Variants in CFAP69 observed in about 807,000 individuals in gnomAD.
CFAP69 encodes the protein cilia- and flagella-associated protein 69.
In CFAP69, 92 loss-of-function variants were observed where a neutral mutation model predicts 123.0. That is an observed-to-expected ratio of 0.75 (90% confidence interval 0.63 to 0.89). The LOEUF is 0.89. CFAP69 is among the 40% of genes least tolerant of loss of function. CFAP69 has a pLI of 0.00. For missense variants in CFAP69, 1,067 were observed against 1,096.9 expected, an observed-to-expected ratio of 0.97 and a Z score of 0.39; for synonymous variants, 380 against 364.3, an observed-to-expected ratio of 1.04 and a Z score of -0.49.
chr7:90,306,956 C>T lies in CFAP69; in HGVS notation c.2321C>T (p.Pro774Leu). 6.3e-7 allele frequency: 1 copy of T among 1,575,494 alleles called. No individual in the cohort carries two copies. Among genetic ancestry groups the T allele is most frequent in the South Asian group, 1.1e-5 (1 of 88,208 alleles). ...GAAATAAAATTAGAAAAATTAAGAC[C>T]AGTCACTACAGATAAAAAAGCTTTG... ...YEEIKLEKLR[P>L]VTTDKKALEA... The change falls in exon 20 of 23, where the codon CCA (proline) becomes CTA (leucine). Residue 774 changes from proline to leucine, a missense_variant. By Grantham distance (98) the Pro-to-Leu change is moderately conservative (BLOSUM62 -3). Coordinates refer to ENST00000389297, the MANE Select transcript of CFAP69 (RefSeq NM_001039706.3).
At position 90,310,201 on chromosome 7, in the gene CFAP69, A is replaced by C. The variant is rs1295334588; in HGVS notation, c.2789A>C (p.Lys930Thr). 1 of 1,613,776 alleles carries C rather than the reference A, an allele frequency of 6.2e-7. No homozygotes were observed. The highest frequency in any genetic ancestry group is 2.2e-5 in the East Asian group (1 of 44,876). ...GGALQRVKAVKIVDAPKKSIP... is the reference protein window; with the variant it reads ...GGALQRVKAVTIVDAPKKSIP... ...GCCTTGCAGAGGGTGAAAGCAGTTA[A>C]AATTGTGGATGCACCAAAAAAGAGT... Residue 930 changes from lysine (K) to threonine (T), a missense_variant, in exon 23 of 23, where the codon AAA becomes ACA. Lys to Thr is a moderately conservative substitution (Grantham distance 78). Transcript: ENST00000389297.
intron 8 of CFAP69, chr7:90,272,344 A>G (rs1800075210): frequency 6.2e-6 from 1 of 160,334 alleles, no homozygotes; most frequent in Non-Finnish European, 1.4e-5. Context: ...CACTTATTCA[A>G]CAAATAATTG....
At chr7:90,278,260 A>G (rs1788897505) in intron 11 of CFAP69, among the ~76,000 whole-genome samples, 1 of 152,164 alleles carries the variant, frequency 6.6e-6, no homozygotes, top group Non-Finnish European at 1.5e-5. Flanking sequence ...TGATTTCTCT[A>G]AATCCCAGGT....
At chr7:90,306,848 A>T in intron 19 of CFAP69, 53 bp from the exon 20 acceptor site, 1 of 1,061,626 alleles carries the variant, frequency 9.4e-7, no homozygotes, top group Non-Finnish European at 1.4e-6. Flanking sequence ...TAATTGTACA[A>T]TTGCATGATT....
rs68042620 is a variant in CFAP69, at chr7:90,290,743, G to GTCTTTTCTTTTCTTTTCTTT, written c.1775+2453_1775+2472dup. 4.9e-5 allele frequency among the ~76,000 whole-genome samples: 6 copies of GTCTTTTCTTTTCTTTTCTTT among 121,886 alleles called. 1 individual carries two copies. Among genetic ancestry groups the GTCTTTTCTTTTCTTTTCTTT allele is most frequent in the African/African-American group, 1.9e-4 (6 of 31,730 alleles). The allele number at this position is 121,886 out of a possible 152,430, so 80.0% of individuals were successfully genotyped here. On this transcript the variant is annotated intron_variant, in intron 15 of 22. Transcript: ENST00000389297. ...TTTTGAAACAGGCAGTAGAAACAAT[G>GTCTTTTCTTTTCTTTTCTTT]TCTTTTCTTTTCTTTTCTTTTCTTT...
At chr7:90,297,386 G>T (rs1792144469) in intron 15 of CFAP69, among the ~76,000 whole-genome samples, 1 of 152,110 alleles carries the variant, frequency 6.6e-6, no homozygotes, top group Non-Finnish European at 1.5e-5. Flanking sequence ...GGGGGGCTTA[G>T]AATTTTATTT....
chr7:90,310,895 T>G lies in CFAP69; in HGVS notation c.*657T>G, dbSNP rs753864902. On this transcript the variant is annotated 3_prime_UTR_variant, in exon 23 of 23. Transcript: ENST00000389297. ...ATTATCAGAAGCAAGTATATATGAATATTGGGCAGCAAGATAAACAATAAC... is the reference window on the plus strand; with the variant it reads ...ATTATCAGAAGCAAGTATATATGAAGATTGGGCAGCAAGATAAACAATAAC... The G allele has an allele frequency of 2.6e-5, 4 of 152,080 alleles. No homozygotes were observed. The highest frequency in any genetic ancestry group is 4.4e-5 in the Non-Finnish European group (3 of 68,026). 9.4% of individuals were successfully genotyped at this position (152,080 alleles called of 1,614,324 possible). A position where few individuals can be genotyped will look rare whatever the true frequency, so the allele number is the denominator to read the frequency against.
At position 90,277,237 on chromosome 7, in the gene CFAP69, AAG is replaced by A; in HGVS notation, c.1059_1060del (p.Gly354ThrfsTer2). 1 of 1,589,854 alleles carries A rather than the reference AAG, an allele frequency of 6.3e-7. No individual in the cohort carries two copies. Among genetic ancestry groups the A allele is most frequent in the Non-Finnish European group, 8.5e-7 (1 of 1,171,886 alleles). Reference sequence around the variant, plus strand: ...GTTAAAAGTCAAAATCTTTTGGTAAAAGGACTTAAGCTTTCTAATTCCTATGA... The same window carrying A: ...GTTAAAAGTCAAAATCTTTTGGTAAAGACTTAAGCTTTCTAATTCCTATGA... On this transcript the variant is annotated frameshift_variant, in exon 11 of 23. Coordinates refer to ENST00000389297, the MANE Select transcript of CFAP69 (RefSeq NM_001039706.3). LOFTEE classifies it high-confidence loss of function.
chr7:90,245,245 C>T lies in CFAP69; in HGVS notation c.-180C>T, dbSNP rs1796187753. 1.4e-6 allele frequency: 1 copy of T among 735,556 alleles called. No homozygotes were observed. The highest frequency in any genetic ancestry group is 2.0e-6 in the Non-Finnish European group (1 of 507,908). 45.6% of individuals were successfully genotyped at this position (735,556 alleles called of 1,614,324 possible). On this transcript the variant is annotated 5_prime_UTR_variant, in exon 1 of 23. Transcript: ENST00000389297. Reference sequence around the variant, plus strand: ...TGGGTCAACTGGGGGGCGGCAGCGGCGCTAAGCGGACTGTATGGCGGTGGC... The same window carrying T: ...TGGGTCAACTGGGGGGCGGCAGCGGTGCTAAGCGGACTGTATGGCGGTGGC...
In CFAP69 at chr7:90,299,933, AC is replaced by A. The variant is rs1792536351; in HGVS notation, c.1925del (p.Thr642MetfsTer20). The A allele has an allele frequency of 6.2e-7, 1 of 1,611,654 alleles. No individual in the cohort carries two copies. The highest frequency in any genetic ancestry group is 8.5e-7 in the Non-Finnish European group (1 of 1,178,688). ...IMVEFCDNPK[T>X]AAHVNAWQGK... ...GGTTGAATTTTGTGATAATCCCAAA[AC>A]TGCAGCTCATGTCAATGCTTGGCAA... On this transcript the variant is annotated frameshift_variant, in exon 17 of 23. Transcript: ENST00000389297.
intron 13 of CFAP69, among the ~76,000 whole-genome samples, chr7:90,285,833 G>C (rs933662965): frequency 3.3e-5 from 5 of 152,316 alleles, no homozygotes; most frequent in Non-Finnish European, 7.4e-5. Flanking sequence ...ATCCTTTAAT[G>C]ACATACTGTT....
At chr7:90,304,224 A>G (rs999560520) in intron 18 of CFAP69, 118 bp downstream of exon 18, 36 of 1,395,188 alleles carry the variant, frequency 2.6e-5, no homozygotes, top group Non-Finnish European at 3.2e-5. Flanking sequence ...AGAGAAATTC[A>G]TTTTCCATTG....
chr7:90,248,722 C>G (rs1224241014), intron 1 of CFAP69, among the ~76,000 whole-genome samples: 2 of 152,106 alleles, frequency 1.3e-5, no homozygotes, highest in Non-Finnish European at 2.9e-5. Flanking sequence ...ATAATCCCTA[C>G]TGTAGTGATT....
intron 4 of CFAP69, among the ~76,000 whole-genome samples, chr7:90,264,105 ATATATATATATAT>A (rs1198723645): frequency 0.019 from 1,357 of 71,186 alleles, 94 homozygotes; most frequent in African/African-American, 0.055. Context: ...AAAAAAAAAA[ATATATATATATAT>A]ATATATATAT....
intron 3 of CFAP69, among the ~76,000 whole-genome samples, chr7:90,258,738 G>A (rs1285849086): frequency 6.6e-6 from 1 of 152,098 alleles, no homozygotes; most frequent in Non-Finnish European, 1.5e-5. Flanking sequence ...CCATTATTCT[G>A]TCTACCACAG....
At chr7:90,273,768 A>T (rs113972709) in intron 8 of CFAP69, among the ~76,000 whole-genome samples, 1 of 151,934 alleles carries the variant, frequency 6.6e-6, no homozygotes, top group Non-Finnish European at 1.5e-5. Flanking sequence ...CATACTGCTG[A>T]TCTCTTGTAT....
At chr7:90,274,772 T>C (rs1788340682) in intron 9 of CFAP69, among the ~76,000 whole-genome samples, 1 of 152,190 alleles carries the variant, frequency 6.6e-6, no homozygotes, top group South Asian at 2.1e-4. Flanking sequence ...TTCCTAGCAG[T>C]TTCGAAATGA....
At chr7:90,312,067 G>A (rs1794386920), downstream of CFAP69, among the ~76,000 whole-genome samples, 1 of 152,152 alleles carries the variant, frequency 6.6e-6, no homozygotes, top group Non-Finnish European at 1.5e-5. Flanking sequence ...AGCTCTCTAA[G>A]AACAAGGTAG....
At chr7:90,311,557 C>G (rs1013873405), downstream of CFAP69, among the ~76,000 whole-genome samples, 5 of 152,178 alleles carry the variant, frequency 3.3e-5, no homozygotes, top group Admixed American at 6.5e-5. Context: ...TAGATAAGAG[C>G]AGGCTCTATC....
Sources: allele counts gnomAD v4.1 joint callset (sites outside exome capture counted in the v4.1 genomes callset), GRCh38; gene constraint gnomAD v4.1.1; transcripts MANE v1.5; gene names NCBI Gene and HGNC (gene_info 2026-07-23, HGNC 2026-07-21).